Variants in RAPH1 observed in about 807,000 individuals in gnomAD.
The protein encoded by RAPH1 is Ras association (RalGDS/AF-6) and pleckstrin homology domains 1, also known as ras-associated and pleckstrin homology domains-containing protein 1.
RAPH1 carries 18 observed loss-of-function variants against 88.1 expected under a neutral mutation model. That is an observed-to-expected ratio of 0.20 (90% CI 0.14 to 0.30). The LOEUF (loss-of-function observed/expected upper bound fraction) is 0.30. Among genes scored for constraint, RAPH1 ranks in the 10% least tolerant of loss-of-function variants. The probability of loss-of-function intolerance (pLI) is 1.00; values close to 1 mark genes in which losing one functional copy is unlikely to be tolerated. For synonymous variants in RAPH1, 587 were observed against 559.0 expected (o/e 1.05, Z -0.71); for missense variants, 1,448 against 1,543.2 (o/e 0.94, Z 1.03).
chr2:203,531,987 C>T (rs1690409252), intron 1 of RAPH1, among the ~76,000 whole-genome samples: 1 of 152,152 alleles, frequency 6.6e-6, no homozygotes, highest in African/African-American at 2.4e-5. Flanking sequence ...AAGGTGGAAA[C>T]AACCCAAATA....
At chr2:203,478,110 T>G (rs976424524) in intron 4 of RAPH1, among the ~76,000 whole-genome samples, 2 of 151,970 alleles carry the variant, frequency 1.3e-5, no homozygotes, top group Non-Finnish European at 2.9e-5. Context: ...CTCAGCTCAT[T>G]GCAAGCTCCA....
At chr2:203,526,711 A>G (rs1234535168) in intron 1 of RAPH1, among the ~76,000 whole-genome samples, 3 of 151,278 alleles carry the variant, frequency 2.0e-5, no homozygotes, top group Non-Finnish European at 4.4e-5. Flanking sequence ...TGTCTCAAAA[A>G]AAAAAAAAAA....
chr2:203,497,556 T>C (rs1464702160), intron 1 of RAPH1, among the ~76,000 whole-genome samples: 1 of 152,202 alleles, frequency 6.6e-6, no homozygotes, highest in Non-Finnish European at 1.5e-5. Context: ...AATCATATCA[T>C]ATCTCATTTA....
intron 4 of RAPH1, among the ~76,000 whole-genome samples, chr2:203,466,272 T>A (rs915206350): frequency 6.6e-6 from 1 of 152,194 alleles, no homozygotes; most frequent in Non-Finnish European, 1.5e-5. Flanking sequence ...AATGAAAATG[T>A]TTATGTCAAA....
chr2:203,473,720 T>A (rs894498789), intron 4 of RAPH1, among the ~76,000 whole-genome samples: 20 of 152,210 alleles, frequency 1.3e-4, no homozygotes, highest in African/African-American at 4.8e-4. Context: ...CAGGCTTCAG[T>A]CTTGGTTTAT....
intron 9 of RAPH1, 69 bp from the exon 10 acceptor site, chr2:203,454,609 A>T: frequency 8.8e-7 from 1 of 1,137,370 alleles, no homozygotes; most frequent in South Asian, 1.4e-5. Context: ...CCTGGTTAAC[A>T]TTTTCTAGGT....
chr2:203,461,772 C>A, intron 5 of RAPH1, 76 bp downstream of exon 5: 2 of 1,053,574 alleles, frequency 1.9e-6, no homozygotes, highest in Admixed American at 2.4e-5. Flanking sequence ...AAGTACATTA[C>A]ATAAACAAGG....
At chr2:203,445,965 A>G (rs934960061) in intron 12 of RAPH1, 2 of 152,188 alleles carry the variant, frequency 1.3e-5, no homozygotes, top group African/African-American at 2.4e-5. Flanking sequence ...CCTTTGGGGA[A>G]AAAGTGTCCT....
At chr2:203,517,956 TAGAACA>T (rs1374876300) in intron 1 of RAPH1, among the ~76,000 whole-genome samples, 2 of 152,070 alleles carry the variant, frequency 1.3e-5, no homozygotes, top group Non-Finnish European at 2.9e-5. Context: ...CTTAGAAATC[TAGAACA>T]AGAAGAGCAA....
chr2:203,441,061 G>C lies in RAPH1; in HGVS notation c.2129C>G (p.Pro710Arg). Residue 710 changes from proline to arginine, a missense_variant, in exon 14 of 14, where the codon CCA (proline) becomes CGA (arginine). Physicochemically the swap from Pro to Arg is moderately radical, Grantham distance 103. Coordinates refer to ENST00000319170, the MANE Select transcript of RAPH1 (RefSeq NM_213589.3). ...GGGTGGAGGAGGGGGAGGGGGTGGT[G>C]GAACAACTCCATTGGGGGGTACCAG... ...QILVPPNGVV[P>R]PPPPPPPPPT... is the part of the protein sequence containing the mutation. 2.4e-6 allele frequency: 3 copies of C among 1,255,944 alleles called. No individual in the cohort carries two copies. The highest frequency in any genetic ancestry group is 3.2e-6 in the Non-Finnish European group (3 of 924,810). The allele number at this position is 1,255,944 out of a possible 1,614,324, so 77.8% of individuals were successfully genotyped here.
At chr2:203,500,135 A>T (rs1395448329) in intron 1 of RAPH1, among the ~76,000 whole-genome samples, 1 of 152,192 alleles carries the variant, frequency 6.6e-6, no homozygotes, top group African/African-American at 2.4e-5. Flanking sequence ...AGGAACATAT[A>T]ATCTAGTAGG....
intron 1 of RAPH1, among the ~76,000 whole-genome samples, chr2:203,505,853 A>G (rs1254071104): frequency 6.6e-6 from 1 of 152,214 alleles, no homozygotes; most frequent in Non-Finnish European, 1.5e-5. Flanking sequence ...GCGCACGCAC[A>G]CACACACACG....
intron 1 of RAPH1, among the ~76,000 whole-genome samples, chr2:203,517,890 G>A (rs1196189434): frequency 6.6e-6 from 1 of 152,134 alleles, no homozygotes; most frequent in Middle Eastern, 3.2e-3. Flanking sequence ...GACATTTATA[G>A]CATTGAATGT....
At chr2:203,454,313 CT>C (rs1453405393) in intron 10 of RAPH1, 116 bp downstream of exon 10, 4 of 689,746 alleles carry the variant, frequency 5.8e-6, no homozygotes, top group Non-Finnish European at 7.0e-6. Context: ...CCTTTTTAAA[CT>C]TTGAGAATAA....
chr2:203,469,682 G>C (rs1466039136), intron 4 of RAPH1, among the ~76,000 whole-genome samples: 1 of 152,140 alleles, frequency 6.6e-6, no homozygotes, highest in Non-Finnish European at 1.5e-5. Context: ...ATTTCAAATG[G>C]ATATAAAATA....
chr2:203,530,759 G>C (rs879291037), intron 1 of RAPH1, among the ~76,000 whole-genome samples: 3 of 152,050 alleles, frequency 2.0e-5, no homozygotes, highest in Admixed American at 6.6e-5. Context: ...GGGCACGGTG[G>C]TGCATGCCTG....
At position 203,486,778 on chromosome 2, in the gene RAPH1, G is replaced by C. The variant is rs371442185; in HGVS notation, c.732+2806C>G. ...GCCTCAGTTTACTTTATTTGAATCA[G>C]AACAGACTAGACCTAGGAAAAAAGC... is the stretch of plus-strand genomic sequence containing the variant. On this transcript the variant is annotated intron_variant, in intron 4 of 13. Transcript: ENST00000319170. Among the ~76,000 whole-genome samples the C allele has an allele frequency of 1.2e-4, 19 of 152,230 alleles. 2 individuals are homozygous for C. Among genetic ancestry groups the C allele is most frequent in the Admixed American group, 7.2e-4 (11 of 15,282 alleles).
chr2:203,496,128 C>T (rs1201961010), intron 1 of RAPH1, among the ~76,000 whole-genome samples: 3 of 152,124 alleles, frequency 2.0e-5, no homozygotes, highest in East Asian at 1.9e-4. Context: ...GAGGCCGAGG[C>T]GGGTGGATCA....
At chr2:203,470,134 G>A in intron 4 of RAPH1, 2 of 686,574 alleles carry the variant, frequency 2.9e-6, no homozygotes, top group Non-Finnish European at 2.4e-6. Context: ...TAATGACAAA[G>A]ATGCTAGAGT....
Sources: gnomAD v4.1 joint callset for allele counts (sites outside exome capture counted in the v4.1 genomes callset) on GRCh38, gnomAD v4.1.1 for gene constraint, MANE v1.5 for transcripts, NCBI Gene and HGNC (gene_info 2026-07-23, HGNC 2026-07-21) for gene names.